ZNF610: variants seen among roughly 807,000 people sequenced by gnomAD.
ZNF610 encodes zink finger protein.
A neutral mutation model predicts 14.1 loss-of-function variants in ZNF610; 14 were observed. That is an observed-to-expected ratio of 0.99 (90% CI 0.65 to 1.55). ZNF610 has a LOEUF of 1.55. Among genes scored for constraint, ZNF610 ranks in the 40% most tolerant of loss-of-function variants. ZNF610 has a pLI of 0.00. For missense variants in ZNF610, 530 were observed against 558.0 expected (o/e 0.95, Z 0.51); for synonymous variants, 185 against 187.6 (o/e 0.99, Z 0.11).
the ZNF610 span, among the ~76,000 whole-genome samples, chr19:52,330,766 C>T: frequency 6.6e-6 from 1 of 152,238 alleles, no homozygotes; most frequent in East Asian, 1.9e-4. Context: ...CTAACTTTTT[C>T]CTGACTCTGA....
intron 1 of ZNF610, among the ~76,000 whole-genome samples, chr19:52,340,005 G>A (rs1364383503): frequency 6.6e-6 from 1 of 152,186 alleles, no homozygotes; most frequent in African/African-American, 2.4e-5. Flanking sequence ...GCAGCCTTGT[G>A]GGACTGCACC....
At chr19:52,360,489 A>C (rs1462736033) in intron 5 of ZNF610, among the ~76,000 whole-genome samples, 2 of 152,330 alleles carry the variant, frequency 1.3e-5, no homozygotes, top group African/African-American at 4.8e-5. Context: ...TTTTTTCCTA[A>C]TTATGAAGGA....
In ZNF610 at chr19:52,349,252, G is replaced by A. The variant is rs369329011; in HGVS notation, c.63+17G>A. The A allele has an allele frequency of 1.8e-5, 29 of 1,611,206 alleles. No homozygotes were observed. Among genetic ancestry groups the A allele is most frequent in the African/African-American group, 8.0e-5 (6 of 74,834 alleles). ...CTTCCTCAGGTAAAGTGATATTCTC[G>A]GTGGTTGGTTCTCTCTGTTTCTTTC... is the stretch of plus-strand genomic sequence containing the variant. On this transcript the variant is annotated intron_variant, in intron 3 of 5. Transcript: ENST00000403906.
chr19:52,361,227 G>C (rs923835006), intron 5 of ZNF610, among the ~76,000 whole-genome samples: 2 of 149,410 alleles, frequency 1.3e-5, no homozygotes, highest in Non-Finnish European at 3.0e-5. Context: ...TGCCCAGGCT[G>C]GAGTGCACTG....
At chr19:52,346,415 G>A (rs528290459) in intron 1 of ZNF610, among the ~76,000 whole-genome samples, 5 of 151,936 alleles carry the variant, frequency 3.3e-5, no homozygotes, top group East Asian at 1.9e-4. Context: ...TGCCCGCCTC[G>A]GCCTCCCAAT....
chr19:52,341,314 A>T (rs1209608684), intron 1 of ZNF610, among the ~76,000 whole-genome samples: 1 of 151,734 alleles, frequency 6.6e-6, no homozygotes, highest in Non-Finnish European at 1.5e-5. Context: ...TTTATTTTTT[A>T]TTTTTATTTT....
At chr19:52,365,098 A>G (rs971010481) in intron 5 of ZNF610, among the ~76,000 whole-genome samples, 1 of 152,138 alleles carries the variant, frequency 6.6e-6, no homozygotes, top group Non-Finnish European at 1.5e-5. Context: ...ATACAAAAAA[A>G]TTAGACGAAC....
chr19:52,342,973 C>T (rs879324960), intron 1 of ZNF610, among the ~76,000 whole-genome samples: 5 of 152,032 alleles, frequency 3.3e-5, no homozygotes, highest in African/African-American at 7.2e-5. Context: ...TCAAACACCA[C>T]CTGCCTGTCT....
In ZNF610 at chr19:52,367,752, TGTGA is replaced by T. The variant is rs1986182827; in HGVS notation, c.*989_*992del. ...TCAGCCTTGTACACCCTCAAATGTG[TGTGA>T]GTGTTAAAGAGTATGCCCTGTATTG... On this transcript the variant is annotated 3_prime_UTR_variant, in exon 6 of 6. Transcript: ENST00000403906. 6.6e-6 allele frequency: 1 copy of T among 152,152 alleles called. No individual in the cohort carries two copies. Among genetic ancestry groups the T allele is most frequent in the Admixed American group, 6.6e-5 (1 of 15,254 alleles). The allele number at this position is 152,152 out of a possible 1,614,324, so 9.4% of individuals were successfully genotyped here.
chr19:52,360,560 T>C (rs1389635210), intron 5 of ZNF610, among the ~76,000 whole-genome samples: 3 of 152,250 alleles, frequency 2.0e-5, no homozygotes, highest in African/African-American at 7.2e-5. Context: ...ATATAAGGCT[T>C]CTGTATGTAA....
chr19:52,363,116 G>C (rs963025837), intron 5 of ZNF610, among the ~76,000 whole-genome samples: 3 of 150,818 alleles, frequency 2.0e-5, no homozygotes, highest in African/African-American at 7.3e-5. Flanking sequence ...CCTTCTCTTT[G>C]GTTCTATCCC....
chr19:52,336,229 G>T (rs910213690), upstream of ZNF610: 15 of 240,390 alleles, frequency 6.2e-5, no homozygotes, highest in African/African-American at 3.6e-4. Context: ...TATGCTGCGC[G>T]CGCGCAGTTT....
intron 3 of ZNF610, among the ~76,000 whole-genome samples, chr19:52,351,597 G>A (rs1408767083): frequency 6.6e-6 from 1 of 151,966 alleles, no homozygotes; most frequent in Non-Finnish European, 1.5e-5. Flanking sequence ...TCTGGACTTT[G>A]CTTGTCACCT....
At chr19:52,331,513 C>T (rs746585135), upstream of ZNF610, among the ~76,000 whole-genome samples, 4 of 152,166 alleles carry the variant, frequency 2.6e-5, no homozygotes, top group Admixed American at 6.5e-5. Flanking sequence ...GCCTGTGGGA[C>T]GTGACCAACT....
upstream of ZNF610, among the ~76,000 whole-genome samples, chr19:52,334,959 A>ACACACACACACACAC (rs60779202): frequency 2.0e-5 from 3 of 146,648 alleles, no homozygotes; most frequent in South Asian, 2.1e-4. Context: ...ACACACACAC[A>ACACACACACACACAC]ATGTAATTTA....
intron 5 of ZNF610, among the ~76,000 whole-genome samples, chr19:52,357,521 T>G (rs11670904): frequency 0.18 from 26,925 of 151,680 alleles, 2,666 homozygotes; most frequent in East Asian, 0.25. Context: ...TGCAGACGCC[T>G]GTAGTCCCAG....
At chr19:52,335,637 G>A (rs1984340167), upstream of ZNF610, among the ~76,000 whole-genome samples, 1 of 152,044 alleles carries the variant, frequency 6.6e-6, no homozygotes, top group South Asian at 2.1e-4. Context: ...GAAAACACTA[G>A]ACGGGCTTAA....
At chr19:52,356,177 A>C (rs1985514848) in intron 5 of ZNF610, among the ~76,000 whole-genome samples, 1 of 152,150 alleles carries the variant, frequency 6.6e-6, no homozygotes, top group Non-Finnish European at 1.5e-5. Flanking sequence ...TTCTTATTCC[A>C]CAAGGCCCCT....
chr19:52,341,372 C>T lies in ZNF610; in HGVS notation c.-258+4866C>T, dbSNP rs372736869. Among the ~76,000 whole-genome samples the T allele has an allele frequency of 5.4e-3, 816 of 151,470 alleles. 10 individuals carry two copies. The highest frequency in any genetic ancestry group is 0.039 in the South Asian group (186 of 4,798). ...GTCATCAGGCTGGAGTGCAGTGGCA[C>T]GATCTCGGCTCACTGCAACCTCTGC... On this transcript the variant is annotated intron_variant, in intron 1 of 5. Coordinates refer to ENST00000403906, the MANE Select transcript of ZNF610 (RefSeq NM_001161425.2).
Sources: allele counts gnomAD v4.1 joint callset (sites outside exome capture counted in the v4.1 genomes callset), GRCh38; gene constraint gnomAD v4.1.1; transcripts MANE v1.5; gene names NCBI Gene and HGNC (gene_info 2026-07-23, HGNC 2026-07-21).